Variants in AFAP1 observed in about 807,000 individuals in gnomAD.
AFAP1 encodes the protein actin filament-associated protein 1.
Under a neutral mutation model 93.9 loss-of-function variants are expected in AFAP1, and 75 were observed. The ratio of observed to expected loss-of-function variants is 0.80; its 90% CI spans 0.66 to 0.97. The LOEUF is 0.97. Ranked by LOEUF, AFAP1 falls within the 50% of genes least tolerant of loss-of-function variation. The pLI, the probability that AFAP1 is intolerant of heterozygous loss-of-function variation, is 0.00. For synonymous variants in AFAP1, 517 were observed against 430.7 expected (o/e 1.20, Z -2.48); for missense variants, 1,201 against 1,050.8 (o/e 1.14, Z -1.98).
chr4:7,878,997 A>C (rs1394102241), intron 1 of AFAP1, among the ~76,000 whole-genome samples: 1 of 152,192 alleles, frequency 6.6e-6, no homozygotes, highest in East Asian at 1.9e-4. Context: ...ATATCCCTCA[A>C]GGTCATTACT....
In AFAP1 at chr4:7,849,262, C is replaced by T. The variant is rs376872339; in HGVS notation, c.335-5912G>A. ...GAGAGTGAGAGGCTGGCAGAAAACACGGCTCCTCTAGGGCAGGAGCTGTGG... is the reference window on the plus strand; with the variant it reads ...GAGAGTGAGAGGCTGGCAGAAAACATGGCTCCTCTAGGGCAGGAGCTGTGG... On this transcript the variant is annotated intron_variant, in intron 4 of 17. Transcript: ENST00000420658. Among the ~76,000 whole-genome samples the T allele has an allele frequency of 8.5e-5, 13 of 152,218 alleles. No homozygotes were observed. In the East Asian group the frequency reaches 2.1e-3, roughly 25 times the overall value.
At chr4:7,800,375 C>T (rs531958157) in intron 10 of AFAP1, 67 bp downstream of exon 10, 31 of 1,528,738 alleles carry the variant, frequency 2.0e-5, no homozygotes, top group East Asian at 7.0e-5. Context: ...AGTCAGCATT[C>T]GCCTTTTGAA....
rs539225096 is a variant in AFAP1, at chr4:7,915,363, C to T, written c.-3+24293G>A. Among the ~76,000 whole-genome samples, 7 of 142,702 alleles carry T rather than the reference C, an allele frequency of 4.9e-5. No individual in the cohort carries two copies. The East Asian group carries it at 1.3e-3, about 26-fold the overall frequency. 93.6% of individuals were successfully genotyped at this position (142,702 alleles called of 152,430 possible). ...CATTTGTACATCTTCTTTCAAGAAA[C>T]GTCTGTTCGGTTGGGTGTGGTGACT... On this transcript the variant is annotated intron_variant, in intron 1 of 17. Transcript: ENST00000420658.
At chr4:7,892,511 A>C (rs976455172) in intron 1 of AFAP1, among the ~76,000 whole-genome samples, 3 of 152,236 alleles carry the variant, frequency 2.0e-5, no homozygotes, top group African/African-American at 7.2e-5. Context: ...GCATGCTGCC[A>C]GCTGTGAGAT....
chr4:7,765,355 A>G (rs1246643069), intron 17 of AFAP1, among the ~76,000 whole-genome samples: 1 of 151,944 alleles, frequency 6.6e-6, no homozygotes, highest in East Asian at 1.9e-4. Context: ...GTGATTCCCC[A>G]CCACCCTGTG....
intron 1 of AFAP1, among the ~76,000 whole-genome samples, chr4:7,901,469 GCGGCAAGCAAGAC>G: frequency 6.6e-6 from 1 of 152,370 alleles, no homozygotes; most frequent in East Asian, 1.9e-4. Context: ...CCAGGCTGCA[GCGGCAAGCAAGAC>G]CGGTCTCCGT....
At chr4:7,823,720 G>A (rs1241827334) in intron 6 of AFAP1, among the ~76,000 whole-genome samples, 1 of 152,166 alleles carries the variant, frequency 6.6e-6, no homozygotes, top group Non-Finnish European at 1.5e-5. Context: ...ACACAGACAA[G>A]CCAGCCACGT....
intron 4 of AFAP1, among the ~76,000 whole-genome samples, chr4:7,849,094 T>C (rs1234746751): frequency 2.0e-5 from 3 of 152,084 alleles, no homozygotes; most frequent in African/African-American, 7.2e-5. Flanking sequence ...AAAGGTTAAG[T>C]GACAAGCAAG....
intron 1 of AFAP1, among the ~76,000 whole-genome samples, chr4:7,934,440 T>C (rs1721267000): frequency 6.6e-6 from 1 of 152,238 alleles, no homozygotes; most frequent in African/African-American, 2.4e-5. Flanking sequence ...ACAGGAAATC[T>C]GTATCCGTGT....
chr4:7,812,729 A>G (rs745622927), intron 8 of AFAP1, among the ~76,000 whole-genome samples: 2 of 152,222 alleles, frequency 1.3e-5, no homozygotes, highest in Non-Finnish European at 2.9e-5. Flanking sequence ...CTCTAAAACC[A>G]TGAGTATCAT....
intron 8 of AFAP1, among the ~76,000 whole-genome samples, chr4:7,812,973 C>T (rs1249369500): frequency 6.6e-6 from 1 of 152,150 alleles, no homozygotes; most frequent in Non-Finnish European, 1.5e-5. Flanking sequence ...TCTCAGCCCA[C>T]ACTCCTCACA....
intron 8 of AFAP1, among the ~76,000 whole-genome samples, chr4:7,814,529 C>T (rs1188896417): frequency 6.6e-6 from 1 of 152,174 alleles, no homozygotes; most frequent in African/African-American, 2.4e-5. Context: ...AAATGTTCTT[C>T]AAGAGGTGAA....
intron 6 of AFAP1, among the ~76,000 whole-genome samples, chr4:7,836,919 T>G (rs570478064): frequency 6.6e-6 from 1 of 152,106 alleles, no homozygotes; most frequent in South Asian, 2.1e-4. Flanking sequence ...AAAAAAGATT[T>G]CAATAATTTT....
intron 10 of AFAP1, among the ~76,000 whole-genome samples, chr4:7,796,685 A>G (rs927953146): frequency 1.3e-5 from 2 of 149,342 alleles, no homozygotes; most frequent in Non-Finnish European, 3.0e-5. Flanking sequence ...CGGGAGACGG[A>G]GCTTGCAGTG....
At chr4:7,789,811 C>T (rs535954078) in intron 11 of AFAP1, among the ~76,000 whole-genome samples, 8 of 152,380 alleles carry the variant, frequency 5.3e-5, no homozygotes, top group African/African-American at 1.2e-4. Flanking sequence ...TCTCTTCATC[C>T]TCCCAACTGC....
At chr4:7,778,518 A>G in intron 14 of AFAP1, 1 of 562,668 alleles carries the variant, frequency 1.8e-6, no homozygotes, top group South Asian at 2.0e-5. Context: ...TCCTATTTTA[A>G]AATGCTGAGT....
intron 1 of AFAP1, among the ~76,000 whole-genome samples, chr4:7,938,729 T>C (rs1721534161): frequency 6.6e-6 from 1 of 151,752 alleles, no homozygotes. Context: ...AATCTGGCTT[T>C]CCAGATTTTT....
intron 4 of AFAP1, among the ~76,000 whole-genome samples, chr4:7,850,215 T>A (rs373794022): frequency 1.3e-5 from 2 of 152,172 alleles, no homozygotes; most frequent in Admixed American, 1.3e-4. Flanking sequence ...AGAGTTACTA[T>A]GAGGATAAAA....
chr4:7,914,695 G>A lies in AFAP1; in HGVS notation c.-3+24961C>T, dbSNP rs550378529. On this transcript the variant is annotated intron_variant, in intron 1 of 17. Transcript: ENST00000420658. ...GCTGGATCACACTGTGGTTTTATTT[G>A]TAGTTTTCTCAGGAACCTCCATACT... is the stretch of plus-strand genomic sequence containing the variant. Among the ~76,000 whole-genome samples the A allele has an allele frequency of 5.9e-5, 9 of 152,218 alleles. No homozygotes were observed. In the South Asian group the frequency reaches 1.2e-3, roughly 21 times the overall value.
Sources: allele counts gnomAD v4.1 joint callset (sites outside exome capture counted in the v4.1 genomes callset), GRCh38; gene constraint gnomAD v4.1.1; transcripts MANE v1.5; gene names NCBI Gene and HGNC (gene_info 2026-07-23, HGNC 2026-07-21).